Variants in ADGRA3 observed in about 807,000 individuals in gnomAD.
ADGRA3 encodes adhesion G protein-coupled receptor A3.
ADGRA3 carries 56 observed loss-of-function variants against 119.8 expected under a neutral mutation model. That is an observed-to-expected ratio of 0.47 (90% CI 0.38 to 0.58). The LOEUF (loss-of-function observed/expected upper bound fraction) is 0.58. Ranked by LOEUF, ADGRA3 falls within the 20% of genes least tolerant of loss-of-function variation. The pLI, the probability that ADGRA3 is intolerant of heterozygous loss-of-function variation, is 0.00. For synonymous variants in ADGRA3, 607 were observed against 623.8 expected (o/e 0.97, Z 0.40); for missense variants, 1,516 against 1,649.0 (o/e 0.92, Z 1.40).
intron 17 of ADGRA3, among the ~76,000 whole-genome samples, chr4:22,390,280 A>G (rs1714057375): frequency 6.8e-6 from 1 of 146,298 alleles, no homozygotes; most frequent in Admixed American, 6.9e-5. Context: ...CATCTTTAAA[A>G]TCTTCTCTAT....
chr4:22,412,791 A>T (rs1386383979), intron 14 of ADGRA3, among the ~76,000 whole-genome samples: 1 of 152,200 alleles, frequency 6.6e-6, no homozygotes, highest in Non-Finnish European at 1.5e-5. Context: ...AGTGGGAAAC[A>T]GCGCTAGATT....
intron 1 of ADGRA3, among the ~76,000 whole-genome samples, chr4:22,513,846 A>G (rs1378189878): frequency 4.5e-5 from 4 of 88,884 alleles, no homozygotes; most frequent in Admixed American, 2.0e-4. Flanking sequence ...GCTTTCAGGC[A>G]AAAAAAAAAA....
rs368684941 is a variant in ADGRA3, at chr4:22,467,365, C to A, written c.330-5557G>T. 8.8e-4 allele frequency among the ~76,000 whole-genome samples: 134 copies of A among 152,272 alleles called. 4 individuals carry two copies. In the South Asian group the frequency reaches 0.027, roughly 30 times the overall value. ...TCCCTCCCTGCAACTCCCCAACTGA[C>A]CCTCATTTCAACAAGATAAGATTAT... On this transcript the variant is annotated intron_variant, in intron 2 of 18. Coordinates refer to ENST00000334304, the MANE Select transcript of ADGRA3 (RefSeq NM_145290.4).
At chr4:22,406,628 G>A (rs541272362) in intron 14 of ADGRA3, among the ~76,000 whole-genome samples, 14 of 152,010 alleles carry the variant, frequency 9.2e-5, no homozygotes, top group South Asian at 4.2e-4. Flanking sequence ...TAGTCCGATC[G>A]TTTGCCCATT....
intron 6 of ADGRA3, among the ~76,000 whole-genome samples, chr4:22,444,545 T>G (rs1018606546): frequency 2.0e-5 from 3 of 152,092 alleles, no homozygotes; most frequent in African/African-American, 7.2e-5. Flanking sequence ...ATTACAGGTG[T>G]GAGCCACCGC....
intron 10 of ADGRA3, among the ~76,000 whole-genome samples, chr4:22,427,533 G>A (rs1467030923): frequency 6.6e-6 from 1 of 151,996 alleles, no homozygotes; most frequent in African/African-American, 2.4e-5. Context: ...TTGAGAACAA[G>A]CTATTTTTCT....
At chr4:22,423,797 G>A (rs536583267) in intron 11 of ADGRA3, among the ~76,000 whole-genome samples, 15 of 152,270 alleles carry the variant, frequency 9.9e-5, no homozygotes, top group Non-Finnish European at 1.8e-4. Context: ...TGGACTATGG[G>A]TATGTGCCAG....
chr4:22,472,331 TTCC>T (rs2109119098), intron 2 of ADGRA3, among the ~76,000 whole-genome samples: 1 of 152,294 alleles, frequency 6.6e-6, no homozygotes, highest in Admixed American at 6.5e-5. Flanking sequence ...CCTGTCTGCT[TTCC>T]TGATAGTCCC....
intron 3 of ADGRA3, among the ~76,000 whole-genome samples, chr4:22,458,739 C>T (rs750012867): frequency 2.0e-5 from 3 of 152,136 alleles, no homozygotes; most frequent in Admixed American, 6.5e-5. Context: ...TAATGCTTAC[C>T]TTCCTTACCT....
intron 3 of ADGRA3, among the ~76,000 whole-genome samples, chr4:22,457,461 T>C (rs772403346): frequency 4.8e-4 from 73 of 152,318 alleles, no homozygotes; most frequent in African/African-American, 1.7e-3. Context: ...ATACAGGACT[T>C]CTTCAGCTTG....
intron 16 of ADGRA3, among the ~76,000 whole-genome samples, chr4:22,400,266 C>T (rs1037913480): frequency 4.6e-5 from 7 of 152,126 alleles, no homozygotes; most frequent in African/African-American, 1.7e-4. Context: ...TGAAGCATTA[C>T]TCACAGTAGC....
rs181998012 is a variant in ADGRA3 at position 22,490,265 on chromosome 4, T to C, written c.258-16422A>G. On this transcript the variant is annotated intron_variant, in intron 1 of 18. Coordinates refer to ENST00000334304, the MANE Select transcript of ADGRA3 (RefSeq NM_145290.4). The stretch of plus-strand genomic sequence containing the variant: ...TAAAAATGAAAAACTGTTTATTAAA[T>C]AACACTTCACCTTATCTTATGAACA... Among the ~76,000 whole-genome samples the C allele has an allele frequency of 3.1e-4, 47 of 152,286 alleles. No homozygotes were observed. The East Asian group carries it at 6.6e-3, about 21-fold the overall frequency.
At chr4:22,483,809 ACAGT>A (rs1309738405) in intron 1 of ADGRA3, among the ~76,000 whole-genome samples, 1 of 152,218 alleles carries the variant, frequency 6.6e-6, no homozygotes, top group African/African-American at 2.4e-5. Flanking sequence ...ATATGCTACG[ACAGT>A]CAGCATAATT....
intron 3 of ADGRA3, chr4:22,455,953 T>G: frequency 1.9e-6 from 1 of 514,240 alleles, no homozygotes; most frequent in Admixed American, 3.2e-5. Flanking sequence ...ATAATTAGAA[T>G]AAGCTCCCTA....
chr4:22,479,823 G>T (rs565818497), intron 1 of ADGRA3, among the ~76,000 whole-genome samples: 120 of 150,684 alleles, frequency 8.0e-4, no homozygotes, highest in African/African-American at 2.8e-3. Flanking sequence ...CCATAAAAAA[G>T]GATGAGGTCA....
intron 12 of ADGRA3, 152 bp from the exon 13 acceptor site, chr4:22,413,966 G>T (rs1715329439): frequency 1.8e-6 from 1 of 554,556 alleles, no homozygotes; most frequent in Admixed American, 3.5e-5. Context: ...AAAATCATCA[G>T]TCAAGCGAAA....
At chr4:22,448,161 C>T (rs1422062719) in intron 4 of ADGRA3, among the ~76,000 whole-genome samples, 1 of 152,068 alleles carries the variant, frequency 6.6e-6, no homozygotes, top group African/African-American at 2.4e-5. Context: ...TTTGTTACAC[C>T]CAAAACGATT....
chr4:22,440,853 A>T (rs1430334357), intron 7 of ADGRA3, among the ~76,000 whole-genome samples: 5 of 152,194 alleles, frequency 3.3e-5, no homozygotes, highest in African/African-American at 9.6e-5. Context: ...CGCTACAGTA[A>T]AACTAGTGTA....
At chr4:22,513,845 CAAAAAAAAAAAA>C (rs59015584) in intron 1 of ADGRA3, among the ~76,000 whole-genome samples, 8 of 31,490 alleles carry the variant, frequency 2.5e-4, no homozygotes, top group Admixed American at 4.6e-4. Context: ...AGCTTTCAGG[CAAAAAAAAAAAA>C]AAAAAAAAAA....
Sources: allele counts gnomAD v4.1 joint callset (sites outside exome capture counted in the v4.1 genomes callset), GRCh38; gene constraint gnomAD v4.1.1; transcripts MANE v1.5; gene names NCBI Gene and HGNC (gene_info 2026-07-23, HGNC 2026-07-21).